The following NIBAN2 variants were observed in gnomAD, a reference collection of about 807,000 sequenced individuals.
NIBAN2 encodes the protein niban apoptosis regulator 2.
In NIBAN2, 36 loss-of-function variants were observed where a neutral mutation model predicts 81.8. The observed-to-expected ratio is 0.44, with a 90% CI of 0.34 to 0.58. NIBAN2 has a LOEUF of 0.58. NIBAN2 is among the 20% of genes least tolerant of loss of function. The pLI is 0.02. For missense variants in NIBAN2, 897 were observed against 1,014.1 expected (o/e 0.88, Z 1.57); for synonymous variants, 445 against 441.6 (o/e 1.01, Z -0.10).
chr9:127,573,314 T>G (rs371058123), upstream of NIBAN2, among the ~76,000 whole-genome samples: 9 of 149,218 alleles, frequency 6.0e-5, no homozygotes, highest in African/African-American at 1.7e-4. Context: ...AATTTGTTGT[T>G]TTTTTTTTTC....
intron 1 of NIBAN2, among the ~76,000 whole-genome samples, chr9:127,556,710 C>T (rs1408498629): frequency 6.6e-6 from 1 of 152,148 alleles, no homozygotes; most frequent in Non-Finnish European, 1.5e-5. Flanking sequence ...AGCTGTGAGG[C>T]CACCTGTCCA....
At chr9:127,571,799 C>T (rs142635735), upstream of NIBAN2, among the ~76,000 whole-genome samples, 315 of 152,098 alleles carry the variant, frequency 2.1e-3, 1 homozygote, top group African/African-American at 7.3e-3. Flanking sequence ...GGGGCCAGTC[C>T]CTGACAATTC....
At chr9:127,560,889 T>G (rs1217214540) in intron 1 of NIBAN2, among the ~76,000 whole-genome samples, 1 of 152,044 alleles carries the variant, frequency 6.6e-6, no homozygotes. Context: ...ACAAAAGGGT[T>G]TTCAGAGGCA....
intron 8 of NIBAN2, among the ~76,000 whole-genome samples, chr9:127,513,348 G>A (rs540239077): frequency 6.6e-6 from 1 of 152,158 alleles, no homozygotes; most frequent in Non-Finnish European, 1.5e-5. Flanking sequence ...ACAAAAAGTA[G>A]AAATGTCAGA....
At chr9:127,530,235 G>A (rs1837152556) in intron 2 of NIBAN2, among the ~76,000 whole-genome samples, 1 of 152,244 alleles carries the variant, frequency 6.6e-6, no homozygotes, top group Non-Finnish European at 1.5e-5. Flanking sequence ...CATGACACTG[G>A]GGAAGAGGCA....
chr9:127,508,888 G>A lies in NIBAN2; in HGVS notation c.1317+88C>T. On this transcript the variant is annotated intron_variant, in intron 10 of 13. Coordinates refer to ENST00000373312, the MANE Select transcript of NIBAN2 (RefSeq NM_022833.4). The surrounding 1 kb of genome is among the most constrained non-coding windows in gnomAD (Gnocchi z 6.4). ...AGGCAAGCGTGGCTATGGCATGACG[G>A]GACGGAGCAGAAGGGACCCCCTGGG... The A allele has an allele frequency of 6.8e-7, 1 of 1,460,866 alleles. No individual in the cohort carries two copies. The highest frequency in any genetic ancestry group is 1.4e-5 in the African/African-American group (1 of 71,850). 90.5% of individuals were successfully genotyped at this position (1,460,866 alleles called of 1,614,324 possible).
intron 1 of NIBAN2, among the ~76,000 whole-genome samples, chr9:127,557,991 G>C (rs1054423140): frequency 6.6e-6 from 1 of 152,108 alleles, no homozygotes; most frequent in Non-Finnish European, 1.5e-5. Flanking sequence ...CAGGAGGGCT[G>C]ACCCCAGGAG....
At position 127,568,645 on chromosome 9, in the gene NIBAN2, G is replaced by T. The variant is rs564016219; in HGVS notation, c.55+175C>A. 9.6e-4 allele frequency among the ~76,000 whole-genome samples: 146 copies of T among 152,132 alleles called. 4 individuals carry two copies. The South Asian group carries it at 0.03, about 31-fold the overall frequency. ...CGCTCAGAAGAGCGCGGGAAGGGGC[G>T]CCCAGGCTCAGAGGGAACGAGCTCG... On this transcript the variant is annotated intron_variant, in intron 1 of 13. Transcript: ENST00000373312.
chr9:127,508,404 G>T lies in NIBAN2; in HGVS notation c.1434+18C>A, dbSNP rs2277194. 4 of 1,587,658 alleles carry T rather than the reference G, an allele frequency of 2.5e-6. No homozygotes were observed. Among genetic ancestry groups the T allele is most frequent in the Middle Eastern group, 2.1e-4 (1 of 4,770 alleles). On this transcript the variant is annotated intron_variant, in intron 11 of 13. Coordinates refer to ENST00000373312, the MANE Select transcript of NIBAN2 (RefSeq NM_022833.4). This position sits in a 1 kb window ranked among gnomAD's most constrained non-coding sequence, Gnocchi z 6.4. ...GCCTCGCCTAGGACGGTCCGGGGCA[G>T]GGCGTGGGGCCGCTCACCTTCAGCA...
Position 127,506,712 on chromosome 9 carries a change from C to T in NIBAN2, c.*133G>A, listed in dbSNP as rs1836602696. ...AAAGTGACTCAGGTGGGCCCGCTCCCTGGCGGTGCCACACAGCCCTGCCCC... is the reference window on the plus strand; with the variant it reads ...AAAGTGACTCAGGTGGGCCCGCTCCTTGGCGGTGCCACACAGCCCTGCCCC... On this transcript the variant is annotated 3_prime_UTR_variant, in exon 14 of 14. Transcript: ENST00000373312. 8 of 713,720 alleles carry T rather than the reference C, an allele frequency of 1.1e-5. No individual in the cohort carries two copies. The highest frequency in any genetic ancestry group is 1.7e-5 in the Non-Finnish European group (8 of 461,420). 44.2% of individuals were successfully genotyped at this position (713,720 alleles called of 1,614,324 possible). A position where few individuals can be genotyped will look rare whatever the true frequency, so the allele number is the denominator to read the frequency against.
At chr9:127,539,352 G>T (rs2246826) in intron 1 of NIBAN2, among the ~76,000 whole-genome samples, 112,146 of 152,004 alleles carry the variant, frequency 0.74, 41,690 homozygotes, top group Middle Eastern at 0.81. Flanking sequence ...TCTTGCTGGG[G>T]TCTTGCCCAA....
chr9:127,516,837 G>T lies in NIBAN2; in HGVS notation c.973+20C>A. On this transcript the variant is annotated intron_variant, in intron 8 of 13. Transcript: ENST00000373312. ...CCTTGGCCCCTGGAGGGCCCGTCGA[G>T]CACGGGGGTGGCTGCCTACCTCGGA... The T allele has an allele frequency of 6.2e-7, 1 of 1,603,906 alleles. No individual in the cohort carries two copies. Among genetic ancestry groups the T allele is most frequent in the East Asian group, 2.2e-5 (1 of 44,516 alleles).
In NIBAN2 at chr9:127,506,655, CAG is replaced by C. The variant is rs1836600527; in HGVS notation, c.*188_*189del. ...TGAGATCATCCCACAGAAGAGAAAA[CAG>C]GGAGCAAGAAAGTGTTGACTGAACC... On this transcript the variant is annotated 3_prime_UTR_variant, in exon 14 of 14. Coordinates refer to ENST00000373312, the MANE Select transcript of NIBAN2 (RefSeq NM_022833.4). 2 of 467,742 alleles carry C rather than the reference CAG, an allele frequency of 4.3e-6. No individual in the cohort carries two copies. The highest frequency in any genetic ancestry group is 7.5e-6 in the Non-Finnish European group (2 of 267,550). The allele number at this position is 467,742 out of a possible 1,614,324, so 29.0% of individuals were successfully genotyped here.
chr9:127,512,412 G>A (rs975348396), intron 8 of NIBAN2, among the ~76,000 whole-genome samples: 1 of 151,272 alleles, frequency 6.6e-6, no homozygotes, highest in South Asian at 2.1e-4. Context: ...CAGCCTCCTA[G>A]AGCAGCTGGG....
At chr9:127,527,365 G>T in intron 2 of NIBAN2, 43 bp from the exon 3 acceptor site, 1 of 1,576,726 alleles carries the variant, frequency 6.3e-7, no homozygotes, top group Non-Finnish European at 8.7e-7. Context: ...AGGTCTGGGG[G>T]GGTGGTGCTC....
chr9:127,518,029 CCA>C, intron 5 of NIBAN2, 88 bp from the exon 6 acceptor site: 2 of 756,468 alleles, frequency 2.6e-6, no homozygotes, highest in Non-Finnish European at 4.3e-6. Context: ...AAAACCCCCC[CCA>C]CACACATGGC....
rs187699931 is a variant in NIBAN2 at position 127,506,895 on chromosome 9, C to T, written c.2191G>A (p.Ala731Thr). 3.5e-4 allele frequency: 569 copies of T among 1,612,460 alleles called. 3 individuals carry two copies. The East Asian group carries it at 5.1e-3, about 14-fold the overall frequency. ...EQVSSPSSHP[A>T]LHTTTEDSAG... ...CTGTCCTCGGTGGTGGTGTGGAGGG[C>T]GGGGTGGCTGCTGGGGCTGGACACC... is the stretch of plus-strand genomic sequence containing the variant. Residue 731 changes from alanine (A) to threonine (T), a missense_variant, in exon 14 of 14, where the codon GCC becomes ACC. Physicochemically the swap from Ala to Thr is moderately conservative, Grantham distance 58. This residue lies in a region of NIBAN2 where 619 missense variants were observed against 691.0 expected (regional missense o/e 0.90). Coordinates refer to ENST00000373312, the MANE Select transcript of NIBAN2 (RefSeq NM_022833.4).
chr9:127,512,542 C>T (rs546454997), intron 8 of NIBAN2, among the ~76,000 whole-genome samples: 1 of 152,306 alleles, frequency 6.6e-6, no homozygotes, highest in Admixed American at 6.5e-5. Context: ...CCGCCTCGGC[C>T]TCCCAGAGTG....
chr9:127,518,031 A>C (rs980157117), intron 5 of NIBAN2, 90 bp from the exon 6 acceptor site: 8 of 727,694 alleles, frequency 1.1e-5, no homozygotes, highest in Non-Finnish European at 1.8e-5. Context: ...AACCCCCCCC[A>C]CACACATGGC....
Sources: allele counts gnomAD v4.1 joint callset (sites outside exome capture counted in the v4.1 genomes callset), GRCh38; gene constraint gnomAD v4.1.1; regional missense constraint gnomAD v4.1.1; non-coding constraint Gnocchi (gnomAD v3.1); transcripts MANE v1.5; gene names NCBI Gene and HGNC (gene_info 2026-07-23, HGNC 2026-07-21).